The following TAMM41 variants were observed in gnomAD, a reference collection of about 807,000 sequenced individuals.
TAMM41 encodes TAM41 mitochondrial translocator assembly and maintenance homolog.
TAMM41 carries 36 observed loss-of-function variants against 44.1 expected under a neutral mutation model. The ratio of observed to expected loss-of-function variants is 0.82; its 90% CI spans 0.63 to 1.08. The LOEUF (loss-of-function observed/expected upper bound fraction) is 1.08. TAMM41 is among the 50% of genes least tolerant of loss of function. TAMM41 has a pLI of 0.00. For synonymous variants in TAMM41, 164 were observed against 153.1 expected (o/e 1.07, Z -0.53); for missense variants, 417 against 404.3 (o/e 1.03, Z -0.27).
At chr3:11,811,868 G>GA (rs1322905021) in intron 5 of TAMM41, among the ~76,000 whole-genome samples, 1 of 152,132 alleles carries the variant, frequency 6.6e-6, no homozygotes, top group Non-Finnish European at 1.5e-5. Context: ...GCAGCTCTGT[G>GA]ACTATACTAT....
intron 5 of TAMM41, among the ~76,000 whole-genome samples, chr3:11,813,212 A>G (rs1053340958): frequency 1.3e-5 from 2 of 152,272 alleles, no homozygotes; most frequent in Middle Eastern, 3.4e-3. Context: ...ACAGACACTG[A>G]TATTTGAGAT....
the TAMM41 span, among the ~76,000 whole-genome samples, chr3:11,733,703 G>A: frequency 6.6e-6 from 1 of 151,948 alleles, no homozygotes; most frequent in Non-Finnish European, 1.5e-5. Context: ...CACCATGTTA[G>A]CCAGGATGGT....
At chr3:11,784,783 C>CTTCTT in the TAMM41 span, among the ~76,000 whole-genome samples, 30 of 147,098 alleles carry the variant, frequency 2.0e-4, no homozygotes, top group South Asian at 4.3e-4. Context: ...AGTGAGAACA[C>CTTCTT]TTCTTTTCTT....
At chr3:11,760,664 G>A in the TAMM41 span, among the ~76,000 whole-genome samples, 1 of 151,950 alleles carries the variant, frequency 6.6e-6, no homozygotes, top group African/African-American at 2.4e-5. Context: ...GGGCTTAAGC[G>A]AGTCTCATGC....
chr3:11,819,807 T>C (rs1575662437), intron 4 of TAMM41, among the ~76,000 whole-genome samples: 1 of 152,232 alleles, frequency 6.6e-6, no homozygotes, highest in South Asian at 2.1e-4. Context: ...AGAGACTATA[T>C]AAAAATGCTT....
the TAMM41 span, among the ~76,000 whole-genome samples, chr3:11,740,835 G>A: frequency 4.7e-5 from 1 of 21,322 alleles, no homozygotes; most frequent in African/African-American, 2.4e-4. Flanking sequence ...CAAAGTGCTG[G>A]GATTACAGGC....
chr3:11,824,936 AT>A (rs2078682104), intron 4 of TAMM41, among the ~76,000 whole-genome samples: 1 of 152,144 alleles, frequency 6.6e-6, no homozygotes, highest in African/African-American at 2.4e-5. Context: ...GAAGGCCTCC[AT>A]GATAAGCCAG....
the TAMM41 span, among the ~76,000 whole-genome samples, chr3:11,749,103 G>A: frequency 6.6e-6 from 1 of 151,856 alleles, no homozygotes; most frequent in South Asian, 2.1e-4. Flanking sequence ...AGTAGAGATG[G>A]GGTTTTGCTA....
chr3:11,755,658 C>T, the TAMM41 span, among the ~76,000 whole-genome samples: 2 of 152,098 alleles, frequency 1.3e-5, no homozygotes, highest in Non-Finnish European at 2.9e-5. Context: ...CCACATGCAC[C>T]GGATGGCCAG....
chr3:11,737,268 A>C, the TAMM41 span, among the ~76,000 whole-genome samples: 2 of 137,376 alleles, frequency 1.5e-5, no homozygotes, highest in East Asian at 4.9e-4. Flanking sequence ...AAAGAACAGA[A>C]ATTCCTGTTG....
the TAMM41 span, among the ~76,000 whole-genome samples, chr3:11,752,372 G>C: frequency 6.6e-6 from 1 of 152,156 alleles, no homozygotes; most frequent in Non-Finnish European, 1.5e-5. Flanking sequence ...TGCTGGTGGG[G>C]GGTGGCCAGC....
chr3:11,792,018 A>G lies in TAMM41; in HGVS notation c.938-1437T>C, dbSNP rs147923167. Among the ~76,000 whole-genome samples, 507 of 152,332 alleles carry G rather than the reference A, an allele frequency of 3.3e-3. 2 individuals carry two copies. The highest frequency in any genetic ancestry group is 0.012 in the African/African-American group (481 of 41,578). ...CCAAGCCGAATACAGGTAGTTATACATGGAAAGGTTCATATAGCAACCCCA... is the reference window on the plus strand; with the variant it reads ...CCAAGCCGAATACAGGTAGTTATACGTGGAAAGGTTCATATAGCAACCCCA... On this transcript the variant is annotated intron_variant, in intron 7 of 7. Transcript: ENST00000455809.
intron 7 of TAMM41, among the ~76,000 whole-genome samples, chr3:11,802,347 C>T (rs1264040984): frequency 6.6e-6 from 1 of 152,050 alleles, no homozygotes; most frequent in East Asian, 1.9e-4. Context: ...CAAATAAACA[C>T]AATCAGAAAT....
the TAMM41 span, among the ~76,000 whole-genome samples, chr3:11,749,921 G>A: frequency 2.0e-3 from 302 of 149,092 alleles, 3 homozygotes; most frequent in African/African-American, 7.0e-3. Flanking sequence ...TTTTTTTGAC[G>A]GAGTCTTGCT....
At chr3:11,727,605 C>G in the TAMM41 span, among the ~76,000 whole-genome samples, 2 of 152,132 alleles carry the variant, frequency 1.3e-5, no homozygotes. Context: ...GCTGAGACTA[C>G]AAGCATGTGC....
At chr3:11,797,121 T>C (rs2124924657) in intron 7 of TAMM41, among the ~76,000 whole-genome samples, 1 of 152,308 alleles carries the variant, frequency 6.6e-6, no homozygotes, top group East Asian at 1.9e-4. Context: ...ACCAATGACA[T>C]TCTTCACAGA....
At chr3:11,835,172 T>G (rs766638076) in intron 3 of TAMM41, among the ~76,000 whole-genome samples, 19 of 152,202 alleles carry the variant, frequency 1.2e-4, no homozygotes, top group Non-Finnish European at 2.5e-4. Flanking sequence ...AACTTTCTTG[T>G]CCAAGATACT....
rs2079708923 is a variant in TAMM41, at chr3:11,846,619, C to T, written c.18G>A (p.Leu6=). Residue 6 remains leucine, a synonymous_variant, in exon 1 of 8, where the codon CTG becomes CTA. Coordinates refer to ENST00000455809, the MANE Select transcript of TAMM41 (RefSeq NM_001284401.2). MALQT[L]QSSWVTFRKI... ...TGCGGAAGGTCACCCACGAGCTCTG[C>T]AGCGTCTGCAGCGCCATGGGGTCGA... 1.2e-6 allele frequency: 2 copies of T among 1,614,224 alleles called. No homozygotes were observed. The highest frequency in any genetic ancestry group is 1.7e-6 in the Non-Finnish European group (2 of 1,180,036).
chr3:11,838,225 T>A (rs551195613), intron 3 of TAMM41, among the ~76,000 whole-genome samples: 2 of 152,214 alleles, frequency 1.3e-5, no homozygotes, highest in Non-Finnish European at 2.9e-5. Context: ...TTTGTTGCTG[T>A]TGTTTTTAAG....
Sources: allele counts gnomAD v4.1 joint callset (sites outside exome capture counted in the v4.1 genomes callset), GRCh38; gene constraint gnomAD v4.1.1; transcripts MANE v1.5; gene names NCBI Gene and HGNC (gene_info 2026-07-23, HGNC 2026-07-21).